The following BBS4 variants were observed in gnomAD, a reference collection of about 807,000 sequenced individuals.
BBS4 encodes the protein Bardet-Biedl syndrome 4, also known as BBSome complex member BBS4.
BBS4 carries 58 observed loss-of-function variants against 71.4 expected under a neutral mutation model. The ratio of observed to expected loss-of-function variants is 0.81; its 90% confidence interval spans 0.66 to 1.01. The LOEUF is 1.01. Among genes scored for constraint, BBS4 ranks in the 50% least tolerant of loss-of-function variants. BBS4 has a pLI of 0.00. For missense variants in BBS4, 660 were observed against 607.9 expected (o/e 1.09, Z -0.90); for synonymous variants, 228 against 216.8 (o/e 1.05, Z -0.46).
chr15:72,720,331 T>A (rs1206962371), intron 6 of BBS4, among the ~76,000 whole-genome samples: 6 of 150,444 alleles, frequency 4.0e-5, no homozygotes, highest in South Asian at 2.1e-4. Context: ...GAAAAAAAAA[T>A]AAAAATTAGT....
rs1448664223 is a variant in BBS4 at position 72,722,851 on chromosome 15, AT to A, written c.459+7del. On this transcript the variant is annotated splice_donor_5th_base_variant and intron_variant, in intron 7 of 15. Coordinates refer to ENST00000268057, the MANE Select transcript of BBS4 (RefSeq NM_033028.5). Reference sequence around the variant, plus strand: ...ATACCTGAAGCAGTTCAACAAGGTAATTTATAGAAGTGGTGATAGATTTCAC... The same window carrying A: ...ATACCTGAAGCAGTTCAACAAGGTAATTATAGAAGTGGTGATAGATTTCAC... The A allele has an allele frequency of 6.2e-7, 1 of 1,612,516 alleles. No homozygotes were observed. Among genetic ancestry groups the A allele is most frequent in the Non-Finnish European group, 8.5e-7 (1 of 1,178,782 alleles).
intron 1 of BBS4, chr15:72,686,578 C>G: frequency 7.1e-7 from 1 of 1,414,018 alleles, no homozygotes; most frequent in Non-Finnish European, 9.4e-7. Context: ...ATGACTAGCA[C>G]TTGTGTAGAC....
At chr15:72,727,475 G>A (rs886906096) in intron 8 of BBS4, among the ~76,000 whole-genome samples, 3 of 151,982 alleles carry the variant, frequency 2.0e-5, no homozygotes, top group African/African-American at 2.4e-5. Flanking sequence ...CTTTGTTTAA[G>A]TGGAGAGAAC....
Position 72,686,491 on chromosome 15 carries a change from C to T in BBS4, c.24+240C>T, listed in dbSNP as rs2064841482. 3.9e-6 allele frequency: 6 copies of T among 1,524,050 alleles called. No individual in the cohort carries two copies. The East Asian group carries it at 7.5e-5, about 19-fold the overall frequency. 94.4% of individuals were successfully genotyped at this position (1,524,050 alleles called of 1,614,324 possible). ...GTAGTCCCTCTTGGGGTGCGCTGGA[C>T]GGAGAAGGGAGACTTTTCACCAGTA... On this transcript the variant is annotated intron_variant, in intron 1 of 15. Transcript: ENST00000268057.
chr15:72,692,668 T>C lies in BBS4; in HGVS notation c.25-2509T>C, dbSNP rs141608030. Reference sequence around the variant, plus strand: ...TGGAGTGCAGTGGTCCAATCATGGCTTGCTGCAACTCCGCTTCCTGGGCTT... The same window carrying C: ...TGGAGTGCAGTGGTCCAATCATGGCCTGCTGCAACTCCGCTTCCTGGGCTT... On this transcript the variant is annotated intron_variant, in intron 1 of 15. Coordinates refer to ENST00000268057, the MANE Select transcript of BBS4 (RefSeq NM_033028.5). 7.7e-3 allele frequency among the ~76,000 whole-genome samples: 1,161 copies of C among 151,398 alleles called. 12 individuals carry two copies. Among genetic ancestry groups the C allele is most frequent in the African/African-American group, 0.027 (1,108 of 41,184 alleles).
At chr15:72,726,086 CT>C (rs2065693958) in intron 8 of BBS4, among the ~76,000 whole-genome samples, 1 of 136,576 alleles carries the variant, frequency 7.3e-6, no homozygotes, top group Non-Finnish European at 1.6e-5. Flanking sequence ...TTGTTTCTTT[CT>C]TTTCTTCCTT....
At chr15:72,727,269 A>G (rs2065721007) in intron 8 of BBS4, among the ~76,000 whole-genome samples, 1 of 152,150 alleles carries the variant, frequency 6.6e-6, no homozygotes, top group Admixed American at 6.5e-5. Flanking sequence ...TGATGATCCT[A>G]TGGTCAGATC....
At chr15:72,710,518 T>C (rs1308240784) in intron 3 of BBS4, among the ~76,000 whole-genome samples, 1 of 151,938 alleles carries the variant, frequency 6.6e-6, no homozygotes, top group Non-Finnish European at 1.5e-5. Flanking sequence ...TATTTTTTAA[T>C]TTCTCTCTTA....
Position 72,735,941 on chromosome 15 carries a change from A to G in BBS4, c.1223A>G (p.Asn408Ser), listed in dbSNP as rs751716258. ...MEKKVSLLKD[N>S]SSLEFDSEMV... ...AAGAAAGTCAGCCTACTCAAGGACA[A>G]TAGCTCTCTGGAATTTGACTCTGAG... Residue 408 changes from asparagine (N) to serine (S), a missense_variant, in exon 14 of 16, where the codon AAT (asparagine) becomes AGT (serine). Transcript: ENST00000268057. The G allele has an allele frequency of 4.3e-5, 70 of 1,614,174 alleles. No homozygotes were observed. In the East Asian group the frequency reaches 1.4e-3, roughly 33 times the overall value.
In BBS4 at chr15:72,694,817, C is replaced by T. The variant is rs185932882; in HGVS notation, c.25-360C>T. Among the ~76,000 whole-genome samples, 257 of 152,156 alleles carry T rather than the reference C, an allele frequency of 1.7e-3. 1 individual carries two copies. The highest frequency in any genetic ancestry group is 2.8e-3 in the Non-Finnish European group (189 of 68,004). The stretch of plus-strand genomic sequence containing the variant: ...TCATAAGCTTCCTTTTATCAAACAG[C>T]GATCACTTTTTTGGTTTGGCTGCTG... On this transcript the variant is annotated intron_variant, in intron 1 of 15. Coordinates refer to ENST00000268057, the MANE Select transcript of BBS4 (RefSeq NM_033028.5).
Position 72,735,952 on chromosome 15 carries a change from G to A in BBS4, c.1234G>A (p.Glu412Lys). The A allele has an allele frequency of 6.2e-6, 10 of 1,614,052 alleles. No individual in the cohort carries two copies. The highest frequency in any genetic ancestry group is 1.3e-5 in the African/African-American group (1 of 74,998). ...CCTACTCAAGGACAATAGCTCTCTG[G>A]AATTTGACTCTGAGGTATGTCTTTT... ...VSLLKDNSSL[E>K]FDSEMVEMAQ... is the part of the protein sequence containing the mutation. Residue 412 changes from glutamate (E) to lysine (K), a missense_variant, in exon 14 of 16, where the codon GAA becomes AAA. By Grantham distance (56) the Glu-to-Lys change is moderately conservative. Coordinates refer to ENST00000268057, the MANE Select transcript of BBS4 (RefSeq NM_033028.5).
chr15:72,709,933 G>T lies in BBS4; in HGVS notation c.156+154G>T, dbSNP rs137871545. Reference sequence around the variant, plus strand: ...CATACACTGGTTATCTTTTGCTATGGTAGTGATGTTTAACATACAACCTCA... The same window carrying T: ...CATACACTGGTTATCTTTTGCTATGTTAGTGATGTTTAACATACAACCTCA... On this transcript the variant is annotated intron_variant, in intron 3 of 15. Coordinates refer to ENST00000268057, the MANE Select transcript of BBS4 (RefSeq NM_033028.5). Among the ~76,000 whole-genome samples, 1,205 of 152,230 alleles carry T rather than the reference G, an allele frequency of 7.9e-3. 11 individuals are homozygous for T. The highest frequency in any genetic ancestry group is 0.028 in the African/African-American group (1,152 of 41,542).
At chr15:72,686,521 C>T in intron 1 of BBS4, 1 of 1,506,872 alleles carries the variant, frequency 6.6e-7, no homozygotes, top group Non-Finnish European at 8.9e-7. Flanking sequence ...CCAGTAATGG[C>T]TCTTACCGTA....
At chr15:72,737,392 T>C in intron 15 of BBS4, 86 bp from the exon 16 acceptor site, 1 of 1,173,806 alleles carries the variant, frequency 8.5e-7, no homozygotes, top group Non-Finnish European at 1.2e-6. Flanking sequence ...AAATATGGGG[T>C]TTCCTCTTGA....
intron 8 of BBS4, among the ~76,000 whole-genome samples, chr15:72,725,954 T>C (rs79950068): frequency 2.4e-3 from 63 of 26,466 alleles, no homozygotes; most frequent in African/African-American, 8.3e-3. Context: ...TTCCCCTTCC[T>C]CCTTTCCCTT....
chr15:72,699,337 G>A (rs561549669), intron 2 of BBS4, among the ~76,000 whole-genome samples: 12 of 152,158 alleles, frequency 7.9e-5, no homozygotes, highest in East Asian at 7.7e-4. Context: ...CCACCCCAAA[G>A]CCTCCCAAAG....
chr15:72,709,753 A>T lies in BBS4; in HGVS notation c.130A>T (p.Ile44Phe). The T allele has an allele frequency of 6.2e-7, 1 of 1,613,184 alleles. No individual in the cohort carries two copies. The highest frequency in any genetic ancestry group is 8.5e-7 in the Non-Finnish European group (1 of 1,179,314). ...KQNWLIHLHY[I>F]RKDYEACKAV... ...GAACTGGTTGATTCATCTTCATTAT[A>T]TCCGGAAAGATTATGAAGCCTGCAA... is the stretch of plus-strand genomic sequence containing the variant. The change falls in exon 3 of 16, where the codon ATC becomes TTC. Residue 44 changes from isoleucine to phenylalanine, a missense_variant. Physicochemically the swap from Ile to Phe is conservative, Grantham distance 21. Coordinates refer to ENST00000268057, the MANE Select transcript of BBS4 (RefSeq NM_033028.5).
chr15:72,733,443 C>T (rs564848348), intron 12 of BBS4, among the ~76,000 whole-genome samples: 1 of 152,140 alleles, frequency 6.6e-6, no homozygotes, highest in Non-Finnish European at 1.5e-5. Context: ...GGCCCTCCCC[C>T]TCCTCCAGTA....
At chr15:72,725,955 C>T (rs2065688571) in intron 8 of BBS4, among the ~76,000 whole-genome samples, 1 of 74,852 alleles carries the variant, frequency 1.3e-5, no homozygotes, top group Non-Finnish European at 2.7e-5. Flanking sequence ...TCCCCTTCCT[C>T]CTTTCCCTTC....
Sources: gnomAD v4.1 joint callset for allele counts (sites outside exome capture counted in the v4.1 genomes callset) on GRCh38, gnomAD v4.1.1 for gene constraint, MANE v1.5 for transcripts, NCBI Gene and HGNC (gene_info 2026-07-23, HGNC 2026-07-21) for gene names.